ADGRF5: variants seen among roughly 807,000 people sequenced by gnomAD.
ADGRF5 encodes adhesion G protein-coupled receptor F5, also known as G-protein coupled receptor 116.
A neutral mutation model predicts 132.3 loss-of-function variants in ADGRF5; 75 were observed. The ratio of observed to expected loss-of-function variants is 0.57; its 90% CI spans 0.47 to 0.69. The LOEUF (loss-of-function observed/expected upper bound fraction) is 0.69. ADGRF5 is among the 30% of genes least tolerant of loss of function. ADGRF5 has a pLI of 0.00. For synonymous variants in ADGRF5, 629 were observed against 597.6 expected (o/e 1.05, Z -0.77); for missense variants, 1,516 against 1,630.6 (o/e 0.93, Z 1.21).
At chr6:46,913,567 G>A (rs550378396) in intron 1 of ADGRF5, among the ~76,000 whole-genome samples, 2 of 152,164 alleles carry the variant, frequency 1.3e-5, no homozygotes, top group South Asian at 4.2e-4. Context: ...AGTCCATTAA[G>A]GAGGAGACTG....
chr6:46,944,273 G>A (rs1477493993), intron 1 of ADGRF5, among the ~76,000 whole-genome samples: 2 of 152,150 alleles, frequency 1.3e-5, no homozygotes, highest in Non-Finnish European at 2.9e-5. Context: ...TCACAATAGG[G>A]TTCAAGCTCC....
intron 16 of ADGRF5, among the ~76,000 whole-genome samples, chr6:46,860,448 A>C (rs892726042): frequency 3.3e-5 from 5 of 152,282 alleles, no homozygotes; most frequent in African/African-American, 1.2e-4. Context: ...TTTAATTCCT[A>C]GTTTTTCTGG....
intron 13 of ADGRF5, among the ~76,000 whole-genome samples, chr6:46,866,524 T>G (rs1158656077): frequency 6.6e-6 from 1 of 152,170 alleles, no homozygotes; most frequent in East Asian, 1.9e-4. Context: ...CCTCTACTTT[T>G]TTGGCACTTG....
intron 1 of ADGRF5, among the ~76,000 whole-genome samples, chr6:46,942,835 G>A (rs916911473): frequency 2.6e-5 from 4 of 152,044 alleles, no homozygotes; most frequent in Admixed American, 6.6e-5. Context: ...GATCCCACAT[G>A]CATAACCATG....
chr6:46,954,560 T>A (rs2113852751), intron 1 of ADGRF5, among the ~76,000 whole-genome samples: 1 of 152,266 alleles, frequency 6.6e-6, no homozygotes, highest in South Asian at 2.1e-4. Flanking sequence ...AATCCATATG[T>A]CATATCCCAT....
intron 11 of ADGRF5, among the ~76,000 whole-genome samples, chr6:46,871,183 A>G (rs1410822): frequency 0.27 from 40,633 of 152,050 alleles, 7,350 homozygotes; most frequent in African/African-American, 0.5. Context: ...TTTTTGTAAG[A>G]CAGGTGGAAA....
intron 10 of ADGRF5, among the ~76,000 whole-genome samples, chr6:46,874,806 A>C (rs1008922777): frequency 1.4e-4 from 22 of 152,170 alleles, no homozygotes; most frequent in Non-Finnish European, 2.9e-5. Flanking sequence ...TCTGCTTTAC[A>C]CATTAGATGT....
At chr6:46,953,766 G>T (rs892511052) in intron 1 of ADGRF5, among the ~76,000 whole-genome samples, 4 of 148,396 alleles carry the variant, frequency 2.7e-5, no homozygotes, top group African/African-American at 9.9e-5. Flanking sequence ...AGAATGGAGG[G>T]AGACTGTATT....
At chr6:46,867,283 T>C in intron 12 of ADGRF5, 146 bp from the exon 13 acceptor site, 5 of 595,908 alleles carry the variant, frequency 8.4e-6, no homozygotes, top group Non-Finnish European at 9.0e-6. Flanking sequence ...GAGGAAAAAA[T>C]GCTTGATTGA....
At chr6:46,873,221 T>C (rs1771284370) in intron 10 of ADGRF5, among the ~76,000 whole-genome samples, 1 of 152,054 alleles carries the variant, frequency 6.6e-6, no homozygotes, top group Non-Finnish European at 1.5e-5. Flanking sequence ...CCTGAAATGG[T>C]CTTTCCCCAG....
intron 17 of ADGRF5, 150 bp downstream of exon 17, chr6:46,857,979 C>T: frequency 1.6e-6 from 1 of 611,020 alleles, no homozygotes; most frequent in South Asian, 2.4e-5. Context: ...TCCTTTCCAT[C>T]TGATTGAGTT....
At chr6:46,910,493 C>G (rs1046021585) in intron 1 of ADGRF5, among the ~76,000 whole-genome samples, 1 of 152,152 alleles carries the variant, frequency 6.6e-6, no homozygotes, top group Non-Finnish European at 1.5e-5. Context: ...GCAAGGGTTA[C>G]GCCCTCTAAC....
At chr6:46,879,794 A>T in intron 9 of ADGRF5, 24 bp downstream of exon 9, 2 of 1,460,594 alleles carry the variant, frequency 1.4e-6, no homozygotes, top group Non-Finnish European at 1.9e-6. Flanking sequence ...CATTCCTCAC[A>T]CAAGTTACTG....
chr6:46,950,769 T>G (rs1778468487), intron 1 of ADGRF5, among the ~76,000 whole-genome samples: 1 of 152,214 alleles, frequency 6.6e-6, no homozygotes, highest in Non-Finnish European at 1.5e-5. Context: ...CACCTCAGCC[T>G]CCCAAAGTGC....
chr6:46,862,858 A>C, intron 15 of ADGRF5, 30 bp downstream of exon 15: 15 of 1,456,412 alleles, frequency 1.0e-5, no homozygotes, highest in Non-Finnish European at 1.3e-5. Flanking sequence ...CGCCCCACCA[A>C]GAGCTCAGAG....
intron 6 of ADGRF5, among the ~76,000 whole-genome samples, chr6:46,883,227 G>C (rs1386252813): frequency 1.3e-5 from 2 of 152,182 alleles, no homozygotes; most frequent in Non-Finnish European, 2.9e-5. Flanking sequence ...TCATTCATGT[G>C]ATATATGAAT....
intron 1 of ADGRF5, among the ~76,000 whole-genome samples, chr6:46,951,999 A>G (rs138922526): frequency 5.3e-4 from 80 of 152,296 alleles, no homozygotes; most frequent in Admixed American, 1.4e-3. Context: ...GGCTCTGTGG[A>G]TATGGTCTTC....
At chr6:46,903,117 C>A (rs1774941773) in intron 2 of ADGRF5, among the ~76,000 whole-genome samples, 1 of 152,146 alleles carries the variant, frequency 6.6e-6, no homozygotes, top group Admixed American at 6.6e-5. Flanking sequence ...ACCAGCCTTA[C>A]CATCCTGAGT....
chr6:46,946,856 G>C (rs1778320955), intron 1 of ADGRF5, among the ~76,000 whole-genome samples: 1 of 152,196 alleles, frequency 6.6e-6, no homozygotes, highest in African/African-American at 2.4e-5. Flanking sequence ...CACACACTGG[G>C]CTTCGCTAGT....
Sources: gnomAD v4.1 joint callset for allele counts (sites outside exome capture counted in the v4.1 genomes callset) on GRCh38, gnomAD v4.1.1 for gene constraint, MANE v1.5 for transcripts, NCBI Gene and HGNC (gene_info 2026-07-23, HGNC 2026-07-21) for gene names.